The following RAB28 variants were observed in gnomAD, a reference collection of about 807,000 sequenced individuals.
RAB28 encodes the protein ras-related protein Rab-28.
RAB28 carries 24 observed loss-of-function variants against 31.7 expected under a neutral mutation model. The ratio of observed to expected loss-of-function variants is 0.76; its 90% CI spans 0.55 to 1.06. The LOEUF is 1.06. RAB28 is among the 50% of genes least tolerant of loss of function. RAB28 has a pLI of 0.00. For missense variants in RAB28, 254 were observed against 258.5 expected, an observed-to-expected ratio of 0.98 and a Z score of 0.12; for synonymous variants, 100 against 90.4, an observed-to-expected ratio of 1.11 and a Z score of -0.60.
At chr4:13,422,644 T>G (rs1713231779) in intron 4 of RAB28, among the ~76,000 whole-genome samples, 2 of 151,792 alleles carry the variant, frequency 1.3e-5, no homozygotes, top group Non-Finnish European at 2.9e-5. Flanking sequence ...GCAAACTATC[T>G]TAAGGACAGA....
rs374182881 is a variant in RAB28 at position 13,377,662 on chromosome 4, T to C, written c.496-1040A>G. ...ATGGGAGGGTGGCCCAATGTGACTT[T>C]TATTTTAACAGCATTAGTCTGGTTG... On this transcript the variant is annotated intron_variant, in intron 5 of 6. Transcript: ENST00000330852. Among the ~76,000 whole-genome samples, 2 of 152,224 alleles carry C rather than the reference T, an allele frequency of 1.3e-5. 1 individual carries two copies. Among genetic ancestry groups the C allele is most frequent in the South Asian group, 4.1e-4 (2 of 4,836 alleles).
chr4:13,440,575 T>C (rs573464190), intron 4 of RAB28, among the ~76,000 whole-genome samples: 1 of 152,124 alleles, frequency 6.6e-6, no homozygotes, highest in Non-Finnish European at 1.5e-5. Context: ...GAAAATAAAA[T>C]TACAAGATTA....
intron 4 of RAB28, among the ~76,000 whole-genome samples, chr4:13,454,562 G>T (rs1715188006): frequency 6.6e-6 from 1 of 152,176 alleles, no homozygotes; most frequent in Admixed American, 6.5e-5. Flanking sequence ...GTTGGACACA[G>T]TAGTGTTTCT....
intron 4 of RAB28, among the ~76,000 whole-genome samples, chr4:13,414,463 A>G (rs1404562147): frequency 2.0e-5 from 3 of 152,364 alleles, no homozygotes; most frequent in Admixed American, 6.5e-5. Context: ...AACAGGTAGT[A>G]AAAGATCTAA....
intron 6 of RAB28, among the ~76,000 whole-genome samples, chr4:13,374,598 AT>A (rs1728848663): frequency 6.6e-6 from 1 of 152,068 alleles, no homozygotes. Context: ...TCCTGTCTTC[AT>A]TCCTCCAGGC....
intron 2 of RAB28, among the ~76,000 whole-genome samples, chr4:13,475,812 T>C (rs996304919): frequency 6.6e-6 from 1 of 151,694 alleles, no homozygotes; most frequent in African/African-American, 2.4e-5. Context: ...ACAAATCGAA[T>C]TTCTCAAAAA....
intron 4 of RAB28, among the ~76,000 whole-genome samples, chr4:13,419,407 A>C (rs911163414): frequency 1.3e-5 from 2 of 152,222 alleles, no homozygotes; most frequent in East Asian, 3.8e-4. Context: ...GACCTAATAG[A>C]TATCTACAGA....
intron 4 of RAB28, among the ~76,000 whole-genome samples, chr4:13,444,292 G>C (rs1050003674): frequency 6.6e-6 from 1 of 152,086 alleles, no homozygotes; most frequent in African/African-American, 2.4e-5. Flanking sequence ...CTCCCAAAGT[G>C]TTGGGATTAC....
rs751303753 is a variant in RAB28 at position 13,376,631 on chromosome 4, C to G, written c.496-9G>C. 6.3e-7 allele frequency: 1 copy of G among 1,578,620 alleles called. No individual in the cohort carries two copies. Among genetic ancestry groups the G allele is most frequent in the East Asian group, 2.3e-5 (1 of 43,994 alleles). Reference sequence around the variant, plus strand: ...TGAAAGCACAGGAAGACCTACATAACAAAAATGGGTTTAAATGATTTAAAA... The same window carrying G: ...TGAAAGCACAGGAAGACCTACATAAGAAAAATGGGTTTAAATGATTTAAAA... On this transcript the variant is annotated splice_polypyrimidine_tract_variant and intron_variant, in intron 5 of 6. Coordinates refer to ENST00000330852, the MANE Select transcript of RAB28 (RefSeq NM_001017979.3).
At chr4:13,476,764 C>T (rs185681974) in intron 2 of RAB28, among the ~76,000 whole-genome samples, 10 of 151,476 alleles carry the variant, frequency 6.6e-5, no homozygotes, top group Admixed American at 4.6e-4. Context: ...ATATCTAATA[C>T]AAATTTCTAA....
At chr4:13,401,950 A>G (rs1198272274) in intron 4 of RAB28, among the ~76,000 whole-genome samples, 1 of 152,236 alleles carries the variant, frequency 6.6e-6, no homozygotes, top group Non-Finnish European at 1.5e-5. Flanking sequence ...AGCATGCCAT[A>G]AAGTTTTAAA....
chr4:13,407,158 T>C (rs1399368017), intron 4 of RAB28, among the ~76,000 whole-genome samples: 1 of 152,252 alleles, frequency 6.6e-6, no homozygotes, highest in Non-Finnish European at 1.5e-5. Context: ...TTTAAGTCTT[T>C]AATCATTCTT....
intron 4 of RAB28, among the ~76,000 whole-genome samples, chr4:13,399,953 T>A (rs1316528667): frequency 6.6e-6 from 1 of 152,234 alleles, no homozygotes; most frequent in African/African-American, 2.4e-5. Flanking sequence ...CCCTTCCACA[T>A]TCTAAGTAGA....
chr4:13,468,508 T>C (rs779732549), intron 3 of RAB28, among the ~76,000 whole-genome samples: 14 of 151,146 alleles, frequency 9.3e-5, no homozygotes, highest in African/African-American at 3.4e-4. Flanking sequence ...AAAATAATTT[T>C]AAAATAGTTT....
intron 4 of RAB28, among the ~76,000 whole-genome samples, chr4:13,432,177 G>T (rs928372162): frequency 2.6e-5 from 4 of 152,036 alleles, no homozygotes; most frequent in Middle Eastern, 6.8e-3. Context: ...ACTAGACCAA[G>T]CAGAAAAAGG....
intron 4 of RAB28, among the ~76,000 whole-genome samples, chr4:13,406,188 T>C (rs1712072820): frequency 6.6e-6 from 1 of 152,104 alleles, no homozygotes; most frequent in Admixed American, 6.6e-5. Flanking sequence ...TGTGTGATGT[T>C]CCCCTCCCTG....
At chr4:13,379,686 T>C (rs532660720) in intron 5 of RAB28, among the ~76,000 whole-genome samples, 16 of 152,172 alleles carry the variant, frequency 1.1e-4, no homozygotes, top group Admixed American at 2.6e-4. Flanking sequence ...ACTGAGATAA[T>C]AGAAGAGCCA....
intron 4 of RAB28, among the ~76,000 whole-genome samples, chr4:13,437,245 T>G (rs1270731535): frequency 1.3e-5 from 2 of 152,056 alleles, no homozygotes. Context: ...ATGTAAGACC[T>G]CAAACTATAA....
chr4:13,454,895 C>G (rs1179240992), intron 4 of RAB28, among the ~76,000 whole-genome samples: 2 of 152,168 alleles, frequency 1.3e-5, no homozygotes, highest in African/African-American at 2.4e-5. Context: ...CTGGAGGTAG[C>G]CCACAGGGCT....
Sources: gnomAD v4.1 joint callset for allele counts (sites outside exome capture counted in the v4.1 genomes callset) on GRCh38, gnomAD v4.1.1 for gene constraint, MANE v1.5 for transcripts, NCBI Gene and HGNC (gene_info 2026-07-23, HGNC 2026-07-21) for gene names.